ABRAXAS2: variants seen among roughly 807,000 people sequenced by gnomAD.
ABRAXAS2 encodes BRISC complex subunit Abraxas 2.
Under a neutral mutation model 49.0 loss-of-function variants are expected in ABRAXAS2, and 23 were observed. That is an observed-to-expected ratio of 0.47 (90% CI 0.34 to 0.66). The LOEUF is 0.66. ABRAXAS2 is among the 30% of genes least tolerant of loss of function. The pLI is 0.01. For synonymous variants in ABRAXAS2, 168 were observed against 180.2 expected (o/e 0.93, Z 0.54); for missense variants, 443 against 511.9 (o/e 0.87, Z 1.30).
chr10:124,809,874 T>G (rs140131828), intron 2 of ABRAXAS2, among the ~76,000 whole-genome samples: 1 of 150,968 alleles, frequency 6.6e-6, no homozygotes, highest in African/African-American at 2.4e-5. Context: ...TGCCTCAGCC[T>G]CCCTAGTAGC....
At chr10:124,831,319 A>G (rs1950930973) in intron 7 of ABRAXAS2, 30 bp from the exon 8 acceptor site, 3 of 1,365,250 alleles carry the variant, frequency 2.2e-6, no homozygotes, top group Admixed American at 3.4e-5. Flanking sequence ...TTGAACTTGA[A>G]GCTAACCTCG....
intron 4 of ABRAXAS2, among the ~76,000 whole-genome samples, chr10:124,825,019 T>C (rs1418069103): frequency 6.6e-6 from 1 of 152,004 alleles, no homozygotes; most frequent in Non-Finnish European, 1.5e-5. Context: ...AAACATCTCT[T>C]CTATCAGATT....
chr10:124,811,729 C>T (rs984693184), intron 2 of ABRAXAS2, among the ~76,000 whole-genome samples: 1 of 152,002 alleles, frequency 6.6e-6, no homozygotes, highest in Non-Finnish European at 1.5e-5. Context: ...CAGAGCTAGA[C>T]TCCGTCTCAA....
chr10:124,824,745 C>T (rs1453035731), intron 4 of ABRAXAS2, among the ~76,000 whole-genome samples: 1 of 152,270 alleles, frequency 6.6e-6, no homozygotes, highest in East Asian at 1.9e-4. Flanking sequence ...TGCCTGAGGT[C>T]TGCTGAGTAG....
intron 5 of ABRAXAS2, among the ~76,000 whole-genome samples, chr10:124,828,395 C>G (rs952204807): frequency 6.6e-6 from 1 of 152,038 alleles, no homozygotes; most frequent in Admixed American, 6.6e-5. Flanking sequence ...GAGATACAGT[C>G]TTGCTGTTGC....
intron 4 of ABRAXAS2, 30 bp downstream of exon 4, chr10:124,819,480 C>T (rs764418244): frequency 6.3e-7 from 1 of 1,589,154 alleles, no homozygotes. Flanking sequence ...CAGTATGATT[C>T]TGAAATCGTT....
intron 4 of ABRAXAS2, among the ~76,000 whole-genome samples, chr10:124,823,441 T>C (rs1950875211): frequency 1.3e-5 from 2 of 150,180 alleles, no homozygotes; most frequent in Admixed American, 6.6e-5. Context: ...GTGCTTACAA[T>C]GTTTGCACAA....
chr10:124,836,331 G>A lies in ABRAXAS2; in HGVS notation c.*1360G>A, dbSNP rs1336586201. Reference sequence around the variant, plus strand: ...CTAAATTAGACAGTATCATATAGACGGAAAATGAAATGCTAGAACTGCCGT... The same window carrying A: ...CTAAATTAGACAGTATCATATAGACAGAAAATGAAATGCTAGAACTGCCGT... On this transcript the variant is annotated 3_prime_UTR_variant, in exon 9 of 9. Transcript: ENST00000298492. 3 of 152,166 alleles carry A rather than the reference G, an allele frequency of 2.0e-5. No individual in the cohort carries two copies. The highest frequency in any genetic ancestry group is 1.9e-4 in the East Asian group (1 of 5,202). The allele number at this position is 152,166 out of a possible 1,614,324, so 9.4% of individuals were successfully genotyped here.
chr10:124,808,626 G>C (rs371010851), intron 2 of ABRAXAS2, among the ~76,000 whole-genome samples: 1 of 152,142 alleles, frequency 6.6e-6, no homozygotes, highest in Non-Finnish European at 1.5e-5. Context: ...AATTCTATAA[G>C]AAAGTAACAG....
intron 2 of ABRAXAS2, 66 bp from the exon 3 acceptor site, chr10:124,816,510 A>T: frequency 1.8e-6 from 2 of 1,135,020 alleles, no homozygotes; most frequent in Non-Finnish European, 1.3e-6. Flanking sequence ...AAAAGTCCTG[A>T]GCTATTTTAT....
At chr10:124,805,587 T>A (rs961536363) in intron 1 of ABRAXAS2, among the ~76,000 whole-genome samples, 1 of 152,186 alleles carries the variant, frequency 6.6e-6, no homozygotes, top group Admixed American at 6.5e-5. Context: ...GTCCCTGCTC[T>A]CGTGGAGTTT....
At position 124,806,887 on chromosome 10, in the gene ABRAXAS2, A is replaced by T. The variant is rs1564918035; in HGVS notation, c.129A>T (p.Ser43=). 5 of 1,612,324 alleles carry T rather than the reference A, an allele frequency of 3.1e-6. No homozygotes were observed. Among genetic ancestry groups the T allele is most frequent in the Non-Finnish European group, 4.2e-6 (5 of 1,178,976 alleles). Residue 43 remains serine, a synonymous_variant, in exon 2 of 9, where the codon TCA becomes TCT. Transcript: ENST00000298492. The stretch of plus-strand genomic sequence containing the variant: ...AGGAAACGTTTAGCATCAGTGACTC[A>T]CAAATCAGCAACACAGAATTTCTGC... ...RQEETFSISD[S]QISNTEFLQV...
chr10:124,828,612 G>C (rs1950911651), intron 5 of ABRAXAS2, 144 bp from the exon 6 acceptor site: 7 of 603,466 alleles, frequency 1.2e-5, no homozygotes, highest in Non-Finnish European at 1.9e-5. Context: ...GACCTCAGGT[G>C]ATCTGCCTGC....
chr10:124,834,413 C>T, intron 8 of ABRAXAS2, 89 bp from the exon 9 acceptor site: 1 of 1,109,634 alleles, frequency 9.0e-7, no homozygotes, highest in South Asian at 1.6e-5. Flanking sequence ...CTGCTATTTT[C>T]CAGAACATTC....
intron 1 of ABRAXAS2, among the ~76,000 whole-genome samples, chr10:124,805,798 G>A (rs1276993200): frequency 6.6e-6 from 1 of 152,176 alleles, no homozygotes; most frequent in Non-Finnish European, 1.5e-5. Context: ...GGAGTAAGCC[G>A]TGTGATATCT....
intron 4 of ABRAXAS2, among the ~76,000 whole-genome samples, chr10:124,821,011 T>C (rs1359569530): frequency 6.6e-6 from 1 of 151,784 alleles, no homozygotes; most frequent in Non-Finnish European, 1.5e-5. Context: ...CCTCCCAGGC[T>C]CAGGTGATCC....
chr10:124,835,052 G>C lies in ABRAXAS2; in HGVS notation c.*81G>C. On this transcript the variant is annotated 3_prime_UTR_variant, in exon 9 of 9. Coordinates refer to ENST00000298492, the MANE Select transcript of ABRAXAS2 (RefSeq NM_032182.4). ...GGTTTTTGAGAACTTAATCTGGGGG[G>C]AGAACTGCTTTCTCAGATACCTTAA... 3 of 1,094,084 alleles carry C rather than the reference G, an allele frequency of 2.7e-6. No individual in the cohort carries two copies. Among genetic ancestry groups the C allele is most frequent in the South Asian group, 3.2e-5 (2 of 61,984 alleles). The allele number at this position is 1,094,084 out of a possible 1,614,324, so 67.8% of individuals were successfully genotyped here.
rs1247521831 is a variant in ABRAXAS2 at position 124,836,498 on chromosome 10, C to T, written c.*1527C>T. The T allele has an allele frequency of 2.6e-5, 4 of 152,568 alleles. No homozygotes were observed. Among genetic ancestry groups the T allele is most frequent in the Middle Eastern group, 3.4e-3 (1 of 294 alleles). 9.5% of individuals were successfully genotyped at this position (152,568 alleles called of 1,614,324 possible). A position where few individuals can be genotyped will look rare whatever the true frequency, so the allele number is the denominator to read the frequency against. On this transcript the variant is annotated 3_prime_UTR_variant, in exon 9 of 9. Coordinates refer to ENST00000298492, the MANE Select transcript of ABRAXAS2 (RefSeq NM_032182.4). ...TCCAGTTGTTATCAGCTACCTACTACGCAGCTTCAGCGCCAGTGTGAATTT... is the reference window on the plus strand; with the variant it reads ...TCCAGTTGTTATCAGCTACCTACTATGCAGCTTCAGCGCCAGTGTGAATTT...
intron 2 of ABRAXAS2, among the ~76,000 whole-genome samples, chr10:124,812,866 C>T (rs1950799162): frequency 2.0e-5 from 3 of 152,128 alleles, no homozygotes; most frequent in Admixed American, 1.3e-4. Flanking sequence ...TGCACAGACA[C>T]CTTTCCATTA....
Sources: allele counts gnomAD v4.1 joint callset (sites outside exome capture counted in the v4.1 genomes callset), GRCh38; gene constraint gnomAD v4.1.1; transcripts MANE v1.5; gene names NCBI Gene and HGNC (gene_info 2026-07-23, HGNC 2026-07-21).